CCDC7: variants seen among roughly 807,000 people sequenced by gnomAD.
CCDC7 encodes coiled-coil domain-containing protein 7.
CCDC7 carries 183 observed loss-of-function variants against 196.9 expected under a neutral mutation model. That is an observed-to-expected ratio of 0.93 (90% confidence interval 0.82 to 1.05). The LOEUF (loss-of-function observed/expected upper bound fraction) is 1.05. Among genes scored for constraint, CCDC7 ranks in the 50% least tolerant of loss-of-function variants. The probability of loss-of-function intolerance (pLI) is 0.00; values close to 1 mark genes in which losing one functional copy is unlikely to be tolerated. For synonymous variants in CCDC7, 525 were observed against 484.6 expected (o/e 1.08, Z -1.10); for missense variants, 1,540 against 1,482.2 (o/e 1.04, Z -0.64).
chr10:32,525,856 A>T (rs2048591668), intron 11 of CCDC7, among the ~76,000 whole-genome samples: 1 of 152,102 alleles, frequency 6.6e-6, no homozygotes, highest in Non-Finnish European at 1.5e-5. Context: ...ACTTTCTCTC[A>T]AAGGAACAGA....
chr10:32,756,764 A>G (rs182104350), intron 28 of CCDC7, among the ~76,000 whole-genome samples: 59 of 152,340 alleles, frequency 3.9e-4, no homozygotes, highest in African/African-American at 1.2e-3. Context: ...ATTAACCTTA[A>G]ATGTAAATGG....
At chr10:32,869,351 G>A (rs975501686) in intron 41 of CCDC7, among the ~76,000 whole-genome samples, 1 of 152,134 alleles carries the variant, frequency 6.6e-6, no homozygotes, top group African/African-American at 2.4e-5. Context: ...GTGTCTGTTG[G>A]CTGCATAAAT....
intron 31 of CCDC7, among the ~76,000 whole-genome samples, chr10:32,817,867 C>T (rs2089145218): frequency 6.6e-6 from 1 of 152,192 alleles, no homozygotes; most frequent in African/African-American, 2.4e-5. Flanking sequence ...CAACCGGTAC[C>T]AGCCACGGCA....
chr10:32,881,106 G>T (rs1254352221), downstream of CCDC7, among the ~76,000 whole-genome samples: 1 of 152,082 alleles, frequency 6.6e-6, no homozygotes, highest in Non-Finnish European at 1.5e-5. Flanking sequence ...TTTTGGGGAG[G>T]GTTTGAGGAA....
At chr10:32,837,349 G>A (rs1470359257) in intron 33 of CCDC7, among the ~76,000 whole-genome samples, 1 of 152,082 alleles carries the variant, frequency 6.6e-6, no homozygotes, top group Non-Finnish European at 1.5e-5. Flanking sequence ...GGCCATCAGA[G>A]AAATGCAAAT....
intron 18 of CCDC7, among the ~76,000 whole-genome samples, chr10:32,617,810 T>A (rs2062944209): frequency 6.6e-6 from 1 of 152,030 alleles, no homozygotes; most frequent in South Asian, 2.1e-4. Context: ...TAAGTCCATT[T>A]GGTCTAAAAT....
intron 21 of CCDC7, among the ~76,000 whole-genome samples, chr10:32,677,034 C>A (rs1198331194): frequency 2.6e-5 from 4 of 151,268 alleles, no homozygotes; most frequent in Non-Finnish European, 2.9e-5. Context: ...ACTATGCAGC[C>A]ATAAAAAATG....
At chr10:32,797,772 C>T (rs536594513) in intron 29 of CCDC7, among the ~76,000 whole-genome samples, 2 of 152,186 alleles carry the variant, frequency 1.3e-5, no homozygotes, top group African/African-American at 4.8e-5. Context: ...GATTACTGGA[C>T]CCATGAATCC....
At chr10:32,585,818 A>C (rs970367321) in intron 18 of CCDC7, among the ~76,000 whole-genome samples, 2 of 152,230 alleles carry the variant, frequency 1.3e-5, no homozygotes. Flanking sequence ...TATTGTGAAC[A>C]GTGCCACAGT....
At position 32,851,787 on chromosome 10, in the gene CCDC7, T is replaced by C. The variant is rs1278783467; in HGVS notation, c.3896-20T>C. The C allele has an allele frequency of 2.5e-6, 4 of 1,605,304 alleles. No individual in the cohort carries two copies. The East Asian group carries it at 6.7e-5, about 27-fold the overall frequency. ...AATGTCATCTATTGTATGGCTAACA[T>C]ATTTTCCAAATTTTTCTAGAGGAAA... On this transcript the variant is annotated intron_variant, in intron 39 of 41. Coordinates refer to ENST00000639629, the Ensembl canonical transcript of CCDC7.
chr10:32,698,439 A>C (rs567195082), intron 24 of CCDC7, among the ~76,000 whole-genome samples: 2 of 152,294 alleles, frequency 1.3e-5, no homozygotes, highest in East Asian at 3.9e-4. Flanking sequence ...CATTGCAAGG[A>C]AGCTAAAAAC....
intron 9 of CCDC7, among the ~76,000 whole-genome samples, chr10:32,497,968 G>C (rs1484613866): frequency 6.6e-6 from 1 of 152,050 alleles, no homozygotes; most frequent in Non-Finnish European, 1.5e-5. Flanking sequence ...CTGTCTCGTT[G>C]ATTTGTCTAA....
At chr10:32,574,316 A>C in intron 16 of CCDC7, 1 of 502,360 alleles carries the variant, frequency 2.0e-6, no homozygotes, top group Non-Finnish European at 2.8e-6. Flanking sequence ...TATATTATAT[A>C]ATAATATAAT....
Position 32,602,924 on chromosome 10 carries a change from A to G in CCDC7, c.1801+18620A>G, listed in dbSNP as rs144483092. 4.9e-4 allele frequency among the ~76,000 whole-genome samples: 74 copies of G among 152,312 alleles called. No individual in the cohort carries two copies. The East Asian group carries it at 0.014, about 29-fold the overall frequency. On this transcript the variant is annotated intron_variant, in intron 18 of 41. Coordinates refer to ENST00000639629, the Ensembl canonical transcript of CCDC7. ...TAAAATCGGGGTCTTTAGGATATTC[A>G]TCACCTCAAACATTTATCATTTCTT...
intron 24 of CCDC7, among the ~76,000 whole-genome samples, chr10:32,697,198 C>G (rs1309155249): frequency 2.0e-5 from 3 of 152,156 alleles, no homozygotes; most frequent in African/African-American, 7.2e-5. Context: ...AAAGAACGCA[C>G]AACCTGGAAC....
chr10:32,688,971 T>G lies in CCDC7; in HGVS notation c.2234-82T>G. The G allele has an allele frequency of 3.5e-6, 3 of 849,806 alleles. No individual in the cohort carries two copies. The South Asian group carries it at 4.7e-5, about 13-fold the overall frequency. The allele number at this position is 849,806 out of a possible 1,614,324, so 52.6% of individuals were successfully genotyped here. A position where few individuals can be genotyped will look rare whatever the true frequency, so the allele number is the denominator to read the frequency against. On this transcript the variant is annotated intron_variant, in intron 22 of 41. Transcript: ENST00000639629. Reference sequence around the variant, plus strand: ...TTACAAAAATGAGAGAAAATGCCACTGCACATTCGTAAATTTGAAATCTAC... The same window carrying G: ...TTACAAAAATGAGAGAAAATGCCACGGCACATTCGTAAATTTGAAATCTAC...
intron 18 of CCDC7, among the ~76,000 whole-genome samples, chr10:32,629,306 T>C (rs1309202124): frequency 6.6e-6 from 1 of 152,096 alleles, no homozygotes; most frequent in Non-Finnish European, 1.5e-5. Flanking sequence ...TTGATATAAG[T>C]ATAGTGACCT....
At position 32,585,570 on chromosome 10, in the gene CCDC7, T is replaced by C. The variant is rs185537928; in HGVS notation, c.1801+1266T>C. ...CCCCTGTGTGTGATGTTCCCCTCCC[T>C]GTGTCCATGTGTTCTCATTGTTCAG... On this transcript the variant is annotated intron_variant, in intron 18 of 41. Transcript: ENST00000639629. Among the ~76,000 whole-genome samples the C allele has an allele frequency of 5.7e-4, 87 of 152,178 alleles. No individual in the cohort carries two copies. In the Middle Eastern group the frequency reaches 0.014, roughly 24 times the overall value.
At chr10:32,882,366 C>A (rs1260768403) in intron 22 of CCDC7, among the ~76,000 whole-genome samples, 1 of 152,124 alleles carries the variant, frequency 6.6e-6, no homozygotes, top group Non-Finnish European at 1.5e-5. Flanking sequence ...GAGATTCTCG[C>A]TAAACTGACT....
Sources: gnomAD v4.1 joint callset for allele counts (sites outside exome capture counted in the v4.1 genomes callset) on GRCh38, gnomAD v4.1.1 for gene constraint, MANE v1.5 for transcripts, NCBI Gene and HGNC (gene_info 2026-07-23, HGNC 2026-07-21) for gene names.